Variants in SORCS1 observed in about 807,000 individuals in gnomAD.
SORCS1 encodes the protein sortilin related VPS10 domain containing receptor 1.
A neutral mutation model predicts 146.1 loss-of-function variants in SORCS1; 60 were observed. The ratio of observed to expected loss-of-function variants is 0.41; its 90% CI spans 0.33 to 0.51. The LOEUF is 0.51. Among genes scored for constraint, SORCS1 ranks in the 20% least tolerant of loss-of-function variants. The pLI is 0.21. For synonymous variants in SORCS1, 637 were observed against 584.0 expected (o/e 1.09, Z -1.31); for missense variants, 1,352 against 1,487.6 (o/e 0.91, Z 1.50).
intron 2 of SORCS1, among the ~76,000 whole-genome samples, chr10:106,929,268 C>G (rs1245135139): frequency 2.0e-5 from 3 of 152,192 alleles, no homozygotes; most frequent in Non-Finnish European, 4.4e-5. Flanking sequence ...GTGCATTACT[C>G]ATCCTTTTTC....
chr10:106,984,219 C>A (rs952043310), intron 1 of SORCS1, among the ~76,000 whole-genome samples: 1 of 152,064 alleles, frequency 6.6e-6, no homozygotes, highest in Non-Finnish European at 1.5e-5. Context: ...AGGAAGATAG[C>A]ATGGCATCTT....
intron 1 of SORCS1, among the ~76,000 whole-genome samples, chr10:107,143,579 C>A (rs1386694344): frequency 2.6e-5 from 4 of 152,200 alleles, no homozygotes; most frequent in Non-Finnish European, 5.9e-5. Context: ...TCTCTGCTCA[C>A]TGCAACCTCT....
chr10:106,716,158 A>G (rs1162059397), intron 6 of SORCS1, among the ~76,000 whole-genome samples: 1 of 152,208 alleles, frequency 6.6e-6, no homozygotes, highest in Non-Finnish European at 1.5e-5. Flanking sequence ...TAATACAAAT[A>G]CAGATCTTCT....
At chr10:106,945,462 G>A (rs1954289618) in intron 2 of SORCS1, among the ~76,000 whole-genome samples, 1 of 152,126 alleles carries the variant, frequency 6.6e-6, no homozygotes, top group Admixed American at 6.5e-5. Context: ...TAAATACATA[G>A]GAAAGCCTTC....
chr10:107,031,496 A>G (rs186683780), intron 1 of SORCS1, among the ~76,000 whole-genome samples: 3 of 152,168 alleles, frequency 2.0e-5, no homozygotes, highest in Non-Finnish European at 4.4e-5. Context: ...TTCCATTCTT[A>G]TTGAAAAAGA....
chr10:106,836,071 T>A (rs1170297629), intron 2 of SORCS1, among the ~76,000 whole-genome samples: 1 of 152,060 alleles, frequency 6.6e-6, no homozygotes, highest in East Asian at 1.9e-4. Context: ...CATACAATGT[T>A]ATCTGAGCTC....
chr10:106,802,344 T>C (rs994470103), intron 3 of SORCS1, among the ~76,000 whole-genome samples: 17 of 152,134 alleles, frequency 1.1e-4, no homozygotes, highest in African/African-American at 3.9e-4. Flanking sequence ...ACTTTACACT[T>C]TTTTTGAGAC....
rs1852244062 is a variant in SORCS1 at position 106,679,088 on chromosome 10, G to T, written c.1740+168C>A. On this transcript the variant is annotated intron_variant, in intron 12 of 25. Transcript: ENST00000263054. ...AAAAAATCAAATTCCATAAATATTT[G>T]CTACACTCCAACATTTAAGACTTTT... Among the ~76,000 whole-genome samples, 3 of 152,098 alleles carry T rather than the reference G, an allele frequency of 2.0e-5. 1 individual carries two copies. In the South Asian group the frequency reaches 6.2e-4, roughly 32 times the overall value.
At chr10:107,036,755 G>A (rs930105190) in intron 1 of SORCS1, among the ~76,000 whole-genome samples, 18 of 152,076 alleles carry the variant, frequency 1.2e-4, no homozygotes, top group Admixed American at 2.6e-4. Flanking sequence ...TGCATCTCAC[G>A]AATACCCTCT....
At chr10:106,855,292 T>A (rs566851224) in intron 2 of SORCS1, among the ~76,000 whole-genome samples, 2 of 152,152 alleles carry the variant, frequency 1.3e-5, no homozygotes, top group African/African-American at 4.8e-5. Context: ...CTTAAAAAAG[T>A]TTTTTTTAAA....
chr10:106,828,989 G>A (rs1053028938), intron 3 of SORCS1, among the ~76,000 whole-genome samples: 3 of 152,270 alleles, frequency 2.0e-5, no homozygotes, highest in Middle Eastern at 3.4e-3. Context: ...TAACGGTGTT[G>A]TAGATGATGA....
At chr10:106,578,312 C>T (rs896106062) in intron 25 of SORCS1, 4 of 152,064 alleles carry the variant, frequency 2.6e-5, no homozygotes, top group African/African-American at 9.7e-5. Flanking sequence ...CTCTATACCT[C>T]GTTGTTGGAT....
the SORCS1 span, among the ~76,000 whole-genome samples, chr10:107,172,375 A>G: frequency 6.6e-6 from 1 of 152,178 alleles, no homozygotes; most frequent in Non-Finnish European, 1.5e-5. Flanking sequence ...AATGTTTGAA[A>G]TTTATCCACA....
chr10:106,745,123 A>G (rs1857627514), intron 5 of SORCS1, among the ~76,000 whole-genome samples: 1 of 152,202 alleles, frequency 6.6e-6, no homozygotes, highest in African/African-American at 2.4e-5. Context: ...AGATATTAGT[A>G]AAGAAACAAT....
intron 5 of SORCS1, among the ~76,000 whole-genome samples, chr10:106,744,504 T>A (rs2136129461): frequency 6.6e-6 from 1 of 152,340 alleles, no homozygotes; most frequent in South Asian, 2.1e-4. Flanking sequence ...GAACAACTGT[T>A]ATAAGAGGAG....
intron 10 of SORCS1, among the ~76,000 whole-genome samples, chr10:106,683,783 C>A (rs900114448): frequency 6.6e-6 from 1 of 152,144 alleles, no homozygotes; most frequent in Non-Finnish European, 1.5e-5. Flanking sequence ...CTCTCCCTCC[C>A]GAAATACATA....
chr10:106,947,644 G>C (rs1954420933), intron 2 of SORCS1, among the ~76,000 whole-genome samples: 1 of 152,166 alleles, frequency 6.6e-6, no homozygotes, highest in Non-Finnish European at 1.5e-5. Flanking sequence ...AGGAGTTCAA[G>C]ACTAGCCTGG....
chr10:106,975,617 G>A (rs1225373320), intron 1 of SORCS1, among the ~76,000 whole-genome samples: 1 of 152,222 alleles, frequency 6.6e-6, no homozygotes, highest in Non-Finnish European at 1.5e-5. Context: ...GGTAGAATCT[G>A]ATTGTCACTC....
At chr10:106,695,679 A>G (rs1197639921) in intron 9 of SORCS1, among the ~76,000 whole-genome samples, 1 of 150,388 alleles carries the variant, frequency 6.6e-6, no homozygotes, top group African/African-American at 2.5e-5. Flanking sequence ...GGCCCAAAAT[A>G]TTAGCCATTA....
Sources: allele counts gnomAD v4.1 joint callset (sites outside exome capture counted in the v4.1 genomes callset), GRCh38; gene constraint gnomAD v4.1.1; transcripts MANE v1.5; gene names NCBI Gene and HGNC (gene_info 2026-07-23, HGNC 2026-07-21).